ADAMTS12: variants seen among roughly 807,000 people sequenced by gnomAD.
The protein encoded by ADAMTS12 is A disintegrin and metalloproteinase with thrombospondin motifs 12.
A neutral mutation model predicts 167.8 loss-of-function variants in ADAMTS12; 118 were observed. The observed-to-expected ratio is 0.70, with a 90% CI of 0.61 to 0.82. The LOEUF (loss-of-function observed/expected upper bound fraction) is 0.82, where lower values mean the gene tolerates loss of function less well. ADAMTS12 is among the 40% of genes least tolerant of loss of function. The pLI is 0.00. For missense variants in ADAMTS12, 1,916 were observed against 1,998.8 expected, an observed-to-expected ratio of 0.96 and a Z score of 0.79; for synonymous variants, 704 against 716.9, an observed-to-expected ratio of 0.98 and a Z score of 0.29.
chr5:33,750,149 C>A (rs1214114665), intron 3 of ADAMTS12, among the ~76,000 whole-genome samples: 3 of 152,160 alleles, frequency 2.0e-5, no homozygotes, highest in Non-Finnish European at 4.4e-5. Context: ...TATACTGATA[C>A]CTTCATCACT....
rs148587319 is a variant in ADAMTS12, at chr5:33,616,056, C to T, written c.2160G>A (p.Gly720=). The part of the protein sequence containing the change: ...QKEGSGYVDI[G]LIPKGARDIR... ...TGTCCCTTGCTCCTTTTGGAATGAG[C>T]CCAATGTCAACATAACCTAAAGAGA... The change falls in exon 15 of 24, where the codon GGG becomes GGA. Residue 720 remains glycine (G), a synonymous_variant. Transcript: ENST00000504830. 5.0e-5 allele frequency: 81 copies of T among 1,613,854 alleles called. No individual in the cohort carries two copies. In the African/African-American group the frequency reaches 9.7e-4, roughly 19 times the overall value.
intron 3 of ADAMTS12, among the ~76,000 whole-genome samples, chr5:33,708,164 G>C (rs1743265127): frequency 6.6e-6 from 1 of 152,146 alleles, no homozygotes; most frequent in Admixed American, 6.5e-5. Flanking sequence ...CTCAAAGGAA[G>C]ACATTTATGC....
intron 2 of ADAMTS12, among the ~76,000 whole-genome samples, chr5:33,797,242 G>A (rs1423230100): frequency 1.3e-5 from 2 of 152,142 alleles, no homozygotes; most frequent in African/African-American, 4.8e-5. Context: ...GAGTGGTCAA[G>A]GGTCTGTAAT....
chr5:33,662,150 G>T, intron 5 of ADAMTS12, 110 bp from the exon 6 acceptor site: 1 of 1,400,956 alleles, frequency 7.1e-7, no homozygotes, highest in Non-Finnish European at 9.7e-7. Flanking sequence ...TTCAGGGTGG[G>T]TGCATCAGAC....
At chr5:33,528,229 CAG>C (rs1743915513) in intron 23 of ADAMTS12, among the ~76,000 whole-genome samples, 1 of 151,774 alleles carries the variant, frequency 6.6e-6, no homozygotes, top group African/African-American at 2.4e-5. Context: ...TATGAGGACT[CAG>C]AGGCATAAGA....
At chr5:33,758,071 T>C (rs1745226986) in intron 2 of ADAMTS12, among the ~76,000 whole-genome samples, 1 of 152,176 alleles carries the variant, frequency 6.6e-6, no homozygotes, top group Non-Finnish European at 1.5e-5. Context: ...CATTAAAGGA[T>C]GTCATGTGTA....
chr5:33,800,138 A>C (rs959901200), intron 2 of ADAMTS12, among the ~76,000 whole-genome samples: 4 of 152,218 alleles, frequency 2.6e-5, no homozygotes, highest in African/African-American at 9.6e-5. Context: ...TCACTCATTC[A>C]GTAGACTTAT....
chr5:33,541,274 A>T (rs1744682727), intron 22 of ADAMTS12, among the ~76,000 whole-genome samples: 1 of 152,248 alleles, frequency 6.6e-6, no homozygotes, highest in South Asian at 2.1e-4. Flanking sequence ...GTGAGAAGAC[A>T]AGTTTAGAGA....
At chr5:33,825,735 A>C (rs1748041568) in intron 2 of ADAMTS12, among the ~76,000 whole-genome samples, 1 of 152,228 alleles carries the variant, frequency 6.6e-6, no homozygotes, top group Non-Finnish European at 1.5e-5. Flanking sequence ...ATAGAGGAAG[A>C]AGCAATAATC....
intron 3 of ADAMTS12, among the ~76,000 whole-genome samples, chr5:33,704,086 A>T (rs536518252): frequency 6.6e-6 from 1 of 152,304 alleles, no homozygotes; most frequent in East Asian, 1.9e-4. Context: ...TACGCAGCTT[A>T]TGGGAACACT....
At position 33,733,889 on chromosome 5, in the gene ADAMTS12, T is replaced by G. The variant is rs149743810; in HGVS notation, c.634+17515A>C. Among the ~76,000 whole-genome samples, 408 of 152,130 alleles carry G rather than the reference T, an allele frequency of 2.7e-3. 4 individuals carry two copies. The highest frequency in any genetic ancestry group is 9.3e-3 in the African/African-American group (385 of 41,490). On this transcript the variant is annotated intron_variant, in intron 3 of 23. Transcript: ENST00000504830. Reference sequence around the variant, plus strand: ...GCAAGTACCATGTGCATTTTACAGATGTAGATCATAAGGCTCAGAGAACTT... The same window carrying G: ...GCAAGTACCATGTGCATTTTACAGAGGTAGATCATAAGGCTCAGAGAACTT...
Position 33,734,086 on chromosome 5 carries a change from G to A in ADAMTS12, c.634+17318C>T, listed in dbSNP as rs182304722. On this transcript the variant is annotated intron_variant, in intron 3 of 23. Transcript: ENST00000504830. ...CTCAGGATGTCTCTGAAAAAGCGCT[G>A]AGCAGACAAGGAGGGAGGCAGCCCC... 1.3e-4 allele frequency among the ~76,000 whole-genome samples: 20 copies of A among 151,680 alleles called. No individual in the cohort carries two copies. In the East Asian group the frequency reaches 3.9e-3, roughly 29 times the overall value.
At chr5:33,605,264 T>C (rs1232162501) in intron 16 of ADAMTS12, among the ~76,000 whole-genome samples, 1 of 152,228 alleles carries the variant, frequency 6.6e-6, no homozygotes, top group Non-Finnish European at 1.5e-5. Context: ...TTTCCATCTA[T>C]GTCACTTTAA....
intron 2 of ADAMTS12, among the ~76,000 whole-genome samples, chr5:33,832,679 C>T (rs911367465): frequency 3.3e-5 from 5 of 152,082 alleles, no homozygotes; most frequent in Non-Finnish European, 7.4e-5. Flanking sequence ...TCCCTTGATG[C>T]GGCTTGGTTT....
At chr5:33,638,884 C>T (rs1199048569) in intron 11 of ADAMTS12, among the ~76,000 whole-genome samples, 1 of 152,164 alleles carries the variant, frequency 6.6e-6, no homozygotes, top group African/African-American at 2.4e-5. Flanking sequence ...CAATGGGTCT[C>T]TCAAAATGGG....
At chr5:33,536,193 G>T (rs1044603466) in intron 22 of ADAMTS12, among the ~76,000 whole-genome samples, 1 of 152,120 alleles carries the variant, frequency 6.6e-6, no homozygotes, top group African/African-American at 2.4e-5. Context: ...CTGAAAGGCA[G>T]CGGCACAATC....
rs746704452 is a variant in ADAMTS12, at chr5:33,649,637, G to A, written c.1251C>T (p.Tyr417=). Residue 417 remains tyrosine (Y), a synonymous_variant, in exon 8 of 24, where the codon TAC becomes TAT. Transcript: ENST00000504830. The stretch of plus-strand genomic sequence containing the variant: ...CGTACTGGAGCTGGCGGGACATGAT[G>A]TACGGATGTCTGCCCACAGGCTCAC... ...NDCEPVGRHP[Y]IMSRQLQYDP... The A allele has an allele frequency of 1.9e-6, 3 of 1,614,064 alleles. No individual in the cohort carries two copies. The highest frequency in any genetic ancestry group is 1.7e-5 in the Admixed American group (1 of 60,030).
intron 2 of ADAMTS12, among the ~76,000 whole-genome samples, chr5:33,800,568 C>T (rs1458654826): frequency 6.6e-6 from 1 of 152,200 alleles, no homozygotes; most frequent in African/African-American, 2.4e-5. Flanking sequence ...TAGAAATAAA[C>T]AACCTGAGTG....
At chr5:33,748,496 A>G (rs990887018) in intron 3 of ADAMTS12, among the ~76,000 whole-genome samples, 4 of 152,336 alleles carry the variant, frequency 2.6e-5, no homozygotes, top group African/African-American at 9.6e-5. Context: ...CCTGGAAAAC[A>G]GAAATTAAGT....
Sources: allele counts gnomAD v4.1 joint callset (sites outside exome capture counted in the v4.1 genomes callset), GRCh38; gene constraint gnomAD v4.1.1; transcripts MANE v1.5; gene names NCBI Gene and HGNC (gene_info 2026-07-23, HGNC 2026-07-21).